The following ARMH1 variants were observed in gnomAD, a reference collection of about 807,000 sequenced individuals.
The protein encoded by ARMH1 is armadillo like helical domain containing 1.
Under a neutral mutation model 50.2 loss-of-function variants are expected in ARMH1, and 34 were observed. That is an observed-to-expected ratio of 0.68 (90% CI 0.51 to 0.90). ARMH1 has a LOEUF of 0.90. ARMH1 is among the 40% of genes least tolerant of loss of function. The pLI, the probability that ARMH1 is intolerant of heterozygous loss-of-function variation, is 0.00. For missense variants in ARMH1, 538 were observed against 553.9 expected, an observed-to-expected ratio of 0.97 and a Z score of 0.29; for synonymous variants, 221 against 224.2, an observed-to-expected ratio of 0.99 and a Z score of 0.13.
Position 44,677,996 on chromosome 1 carries a change from T to C in ARMH1, c.-23+3123T>C, listed in dbSNP as rs534701960. Among the ~76,000 whole-genome samples, 11 of 152,060 alleles carry C rather than the reference T, an allele frequency of 7.2e-5. No individual in the cohort carries two copies. In the South Asian group the frequency reaches 2.3e-3, roughly 32 times the overall value. On this transcript the variant is annotated intron_variant, in intron 1 of 11. Coordinates refer to ENST00000535358, the MANE Select transcript of ARMH1 (RefSeq NM_001145636.2). Reference sequence around the variant, plus strand: ...GGAGGGCCATGCAGAAGGGGAGCCCTGGGGTAGAGCCAGCTTTGGATGCAG... The same window carrying C: ...GGAGGGCCATGCAGAAGGGGAGCCCCGGGGTAGAGCCAGCTTTGGATGCAG...
chr1:44,708,345 C>T (rs963907230), intron 6 of ARMH1, among the ~76,000 whole-genome samples: 1 of 152,232 alleles, frequency 6.6e-6, no homozygotes, highest in Non-Finnish European at 1.5e-5. Context: ...GCCTGAGTGA[C>T]TGCGGGGAGA....
In ARMH1 at chr1:44,724,862, G is replaced by T. The variant is rs2148810675; in HGVS notation, c.1128+23G>T. The T allele has an allele frequency of 6.5e-7, 1 of 1,534,948 alleles. No individual in the cohort carries two copies. ...CTGGTAAGTGCGCCCTTCCTGCCCCGCCGCAATGAGCAGATGGCGGCTCGG... is the reference window on the plus strand; with the variant it reads ...CTGGTAAGTGCGCCCTTCCTGCCCCTCCGCAATGAGCAGATGGCGGCTCGG... On this transcript the variant is annotated intron_variant, in intron 10 of 11. Coordinates refer to ENST00000535358, the MANE Select transcript of ARMH1 (RefSeq NM_001145636.2). The surrounding 1 kb of genome is among the most constrained non-coding windows in gnomAD (Gnocchi z 6.4).
intron 6 of ARMH1, among the ~76,000 whole-genome samples, chr1:44,718,642 G>A (rs1646948586): frequency 6.6e-6 from 1 of 152,202 alleles, no homozygotes; most frequent in Non-Finnish European, 1.5e-5. Context: ...ACCAGAGGCT[G>A]CAGAGGGTGG....
Position 44,724,118 on chromosome 1 carries a change from G to T in ARMH1, c.725-4G>T, listed in dbSNP as rs780718462. On this transcript the variant is annotated splice_polypyrimidine_tract_variant and splice_region_variant and intron_variant, in intron 6 of 11. Transcript: ENST00000535358. The surrounding 1 kb of genome is among the most constrained non-coding windows in gnomAD (Gnocchi z 6.4). ...CTCTCTCCAGCACCTCTGCCCTTCC[G>T]CAGCCATCGAGTTGATCAAAGACCT... The T allele has an allele frequency of 6.4e-6, 10 of 1,551,100 alleles. No homozygotes were observed. The highest frequency in any genetic ancestry group is 8.7e-6 in the Non-Finnish European group (10 of 1,146,706).
At chr1:44,709,304 C>G (rs1236268374) in intron 6 of ARMH1, among the ~76,000 whole-genome samples, 2 of 151,836 alleles carry the variant, frequency 1.3e-5, no homozygotes, top group African/African-American at 4.9e-5. Flanking sequence ...TAAGTGGTTT[C>G]CCATGTGGAT....
chr1:44,712,094 A>G (rs1646636420), intron 6 of ARMH1, among the ~76,000 whole-genome samples: 1 of 152,224 alleles, frequency 6.6e-6, no homozygotes, highest in East Asian at 1.9e-4. Context: ...AGAAGTAGAT[A>G]AAAACCCAAG....
chr1:44,704,169 T>TGAAGGTA lies in ARMH1; in HGVS notation c.722_724+4dup. The TGAAGGTA allele has an allele frequency of 6.4e-7, 1 of 1,551,070 alleles. No homozygotes were observed. The highest frequency in any genetic ancestry group is 1.2e-5 in the South Asian group (1 of 84,034). Reference sequence around the variant, plus strand: ...GCACGATGCACCTGGAAGTCCAGTATGAAGGTAGGGAGCCTCCAGATTGCA... The same window carrying TGAAGGTA: ...GCACGATGCACCTGGAAGTCCAGTATGAAGGTAGAAGGTAGGGAGCCTCCAGATTGCA... On this transcript the variant is annotated frameshift_variant, in exon 6 of 12. Transcript: ENST00000535358. LOFTEE classifies it high-confidence loss of function.
chr1:44,712,900 G>T (rs1646680281), intron 6 of ARMH1, among the ~76,000 whole-genome samples: 1 of 152,012 alleles, frequency 6.6e-6, no homozygotes, highest in Admixed American at 6.6e-5. Context: ...CTAACCTCAG[G>T]TGATATACCC....
chr1:44,710,608 CAAAAAAAAA>C (rs56731047), intron 6 of ARMH1, among the ~76,000 whole-genome samples: 1 of 92,900 alleles, frequency 1.1e-5, no homozygotes, highest in Admixed American at 1.2e-4. Flanking sequence ...GACTCCGTCT[CAAAAAAAAA>C]AAAAAAAAAA....
intron 5 of ARMH1, among the ~76,000 whole-genome samples, chr1:44,701,917 T>G (rs1251239871): frequency 6.8e-6 from 1 of 146,998 alleles, no homozygotes; most frequent in Non-Finnish European, 1.5e-5. Flanking sequence ...AAAGTGAGAC[T>G]CGTGTCAAAA....
chr1:44,725,304 T>G lies in ARMH1; in HGVS notation c.1224T>G (p.His408Gln). The change falls in exon 12 of 12, where the codon CAT becomes CAG. Residue 408 changes from histidine (H) to glutamine (Q), a missense_variant. Transcript: ENST00000535358. ...TCCTGCCTGCAGCCCTGTGCCTCCA[T>G]GGCAGCTCCTACAGCATGAACACTC... ...TVNVTKALCLHGSSYSMNTLY... is the reference protein window; with the variant it reads ...TVNVTKALCLQGSSYSMNTLY... 1 of 1,551,836 alleles carries G rather than the reference T, an allele frequency of 6.4e-7. No individual in the cohort carries two copies. The highest frequency in any genetic ancestry group is 8.7e-7 in the Non-Finnish European group (1 of 1,147,012).
chr1:44,724,929 G>A lies in ARMH1; in HGVS notation c.1128+90G>A. 2.0e-6 allele frequency: 3 copies of A among 1,501,958 alleles called. No individual in the cohort carries two copies. The highest frequency in any genetic ancestry group is 2.7e-6 in the Non-Finnish European group (3 of 1,124,812). 93.0% of individuals were successfully genotyped at this position (1,501,958 alleles called of 1,614,324 possible). Reference sequence around the variant, plus strand: ...TCAGACAGTCCCCATCCTGGAGCGCGCCACATGCAGAGTGGACCTGGCCAC... The same window carrying A: ...TCAGACAGTCCCCATCCTGGAGCGCACCACATGCAGAGTGGACCTGGCCAC... On this transcript the variant is annotated intron_variant, in intron 10 of 11. Coordinates refer to ENST00000535358, the MANE Select transcript of ARMH1 (RefSeq NM_001145636.2). The surrounding 1 kb of genome is among the most constrained non-coding windows in gnomAD (Gnocchi z 6.4).
rs1275046574 is a variant in ARMH1 at position 44,724,767 on chromosome 1, C to A, written c.1056C>A (p.Phe352Leu). The change falls in exon 10 of 12, where the codon TTC becomes TTA. Residue 352 changes from phenylalanine (F) to leucine (L), a missense_variant. By Grantham distance (22) the Phe-to-Leu change is conservative. Transcript: ENST00000535358. This position sits in a 1 kb window ranked among gnomAD's most constrained non-coding sequence, Gnocchi z 6.4. The part of the protein sequence containing the change: ...QRLASLTLEC[F>L]VQMFPLVAEH... Reference sequence around the variant, plus strand: ...GCCTCGCCCGCGCGGCGCAGTGCTTCGTGCAGATGTTCCCCTTGGTGGCGG... The same window carrying A: ...GCCTCGCCCGCGCGGCGCAGTGCTTAGTGCAGATGTTCCCCTTGGTGGCGG... 6.5e-7 allele frequency: 1 copy of A among 1,543,348 alleles called. No homozygotes were observed. Among genetic ancestry groups the A allele is most frequent in the Non-Finnish European group, 8.7e-7 (1 of 1,146,448 alleles).
intron 6 of ARMH1, among the ~76,000 whole-genome samples, chr1:44,709,522 A>C (rs1557549429): frequency 6.6e-6 from 1 of 152,092 alleles, no homozygotes; most frequent in Admixed American, 6.6e-5. Context: ...AATACAAAAA[A>C]TTAGCCGGGC....
chr1:44,713,474 C>T (rs555659322), intron 6 of ARMH1, among the ~76,000 whole-genome samples: 11 of 152,250 alleles, frequency 7.2e-5, no homozygotes, highest in Admixed American at 2.6e-4. Context: ...CTGTCCTGTA[C>T]AGCTTCATTG....
chr1:44,677,350 G>A (rs1288602319), intron 1 of ARMH1, among the ~76,000 whole-genome samples: 1 of 152,176 alleles, frequency 6.6e-6, no homozygotes, highest in Non-Finnish European at 1.5e-5. Flanking sequence ...GGTACACAGA[G>A]GTTAGTTTAA....
In ARMH1 at chr1:44,725,327, C is replaced by G; in HGVS notation, c.1247C>G (p.Thr416Ser). The change falls in exon 12 of 12, where the codon ACT (threonine) becomes AGT (serine). Residue 416 changes from threonine (T) to serine (S), a missense_variant. Thr to Ser is a moderately conservative substitution (Grantham distance 58, BLOSUM62 1). Coordinates refer to ENST00000535358, the MANE Select transcript of ARMH1 (RefSeq NM_001145636.2). ...CLHGSSYSMN[T>S]LYGSRDSAQM... ...CATGGCAGCTCCTACAGCATGAACA[C>G]TCTCTATGGCTCGCGCGATTCGGCT... 1 of 1,551,742 alleles carries G rather than the reference C, an allele frequency of 6.4e-7. No homozygotes were observed. The highest frequency in any genetic ancestry group is 1.7e-4 in the Middle Eastern group (1 of 5,992).
chr1:44,700,216 A>C (rs1268239992), intron 4 of ARMH1, among the ~76,000 whole-genome samples: 3 of 152,212 alleles, frequency 2.0e-5, no homozygotes, highest in Admixed American at 2.0e-4. Flanking sequence ...TCGAAGCCTC[A>C]GTGTCTTCAT....
chr1:44,725,111 G>A (rs936953680), intron 10 of ARMH1, 25 bp from the exon 11 acceptor site: 2 of 1,551,510 alleles, frequency 1.3e-6, no homozygotes, highest in South Asian at 1.2e-5. Context: ...CACCCCAGCC[G>A]GGTCCCCCTT....
Sources: allele counts gnomAD v4.1 joint callset (sites outside exome capture counted in the v4.1 genomes callset), GRCh38; gene constraint gnomAD v4.1.1; non-coding constraint Gnocchi (gnomAD v3.1); transcripts MANE v1.5; gene names NCBI Gene and HGNC (gene_info 2026-07-23, HGNC 2026-07-21).